Variants in SUGP1 observed in about 807,000 individuals in gnomAD.
The protein encoded by SUGP1 is SURP and G-patch domain containing 1.
Under a neutral mutation model 76.5 loss-of-function variants are expected in SUGP1, and 34 were observed. The observed-to-expected ratio is 0.44, with a 90% CI of 0.34 to 0.59. SUGP1 has a LOEUF of 0.59. Among genes scored for constraint, SUGP1 ranks in the 20% least tolerant of loss-of-function variants. The probability of loss-of-function intolerance (pLI) is 0.01; values close to 1 mark genes in which losing one functional copy is unlikely to be tolerated. For missense variants in SUGP1, 752 were observed against 851.7 expected (o/e 0.88, Z 1.46); for synonymous variants, 326 against 326.2 (o/e 1.00, Z 0.01).
intron 11 of SUGP1, among the ~76,000 whole-genome samples, chr19:19,278,280 T>TA (rs759148969): frequency 3.9e-4 from 59 of 152,208 alleles, no homozygotes; most frequent in Non-Finnish European, 6.5e-4. Context: ...AACAGTTTTA[T>TA]AAAAAAACCT....
At chr19:19,307,020 G>T (rs1031683921) in intron 3 of SUGP1, among the ~76,000 whole-genome samples, 2 of 152,106 alleles carry the variant, frequency 1.3e-5, no homozygotes, top group African/African-American at 4.8e-5. Flanking sequence ...GATCATGAAA[G>T]ATGCTGGCTC....
chr19:19,279,443 G>GC, intron 9 of SUGP1, 53 bp from the exon 10 acceptor site: 1 of 1,513,552 alleles, frequency 6.6e-7, no homozygotes, highest in Non-Finnish European at 8.8e-7. Flanking sequence ...GCCTGCCGGA[G>GC]CCCCGCTCCT....
At chr19:19,307,354 C>T (rs2061324677) in intron 3 of SUGP1, among the ~76,000 whole-genome samples, 1 of 151,918 alleles carries the variant, frequency 6.6e-6, no homozygotes, top group African/African-American at 2.4e-5. Context: ...CTGGCAGGGG[C>T]TTCATCTTTT....
At chr19:19,284,505 A>T (rs1333298497) in intron 8 of SUGP1, among the ~76,000 whole-genome samples, 1 of 152,158 alleles carries the variant, frequency 6.6e-6, no homozygotes, top group Non-Finnish European at 1.5e-5. Context: ...CTGTTATTGC[A>T]GCTATGTCAA....
rs879445979 is a variant in SUGP1 at position 19,284,460 on chromosome 19, T to TA, written c.1244-4170dup. Among the ~76,000 whole-genome samples, 464 of 144,342 alleles carry TA rather than the reference T, an allele frequency of 3.2e-3. 1 individual carries two copies. Among genetic ancestry groups the TA allele is most frequent in the Middle Eastern group, 7.0e-3 (2 of 286 alleles). 94.7% of individuals were successfully genotyped at this position (144,342 alleles called of 152,430 possible). A position where few individuals can be genotyped will look rare whatever the true frequency, so the allele number is the denominator to read the frequency against. ...ATGAATCCAGCATAAGGACCACTGTTAAAAAAAAAAAAAGAAGAAGAGAAA... is the reference window on the plus strand; with the variant it reads ...ATGAATCCAGCATAAGGACCACTGTTAAAAAAAAAAAAAAGAAGAAGAGAAA... On this transcript the variant is annotated intron_variant, in intron 8 of 13. Coordinates refer to ENST00000247001, the MANE Select transcript of SUGP1 (RefSeq NM_172231.4).
At chr19:19,280,598 G>T in intron 8 of SUGP1, 1 of 325,268 alleles carries the variant, frequency 3.1e-6, no homozygotes, top group Non-Finnish European at 5.8e-6. Context: ...GCTAACGAGT[G>T]ACAGGGCAGG....
chr19:19,288,461 C>T (rs757010904), intron 8 of SUGP1, among the ~76,000 whole-genome samples: 18 of 152,040 alleles, frequency 1.2e-4, no homozygotes, highest in Non-Finnish European at 1.3e-4. Context: ...ATAAGGCTTC[C>T]GGTCAACAGT....
At chr19:19,290,912 C>G (rs983067054) in intron 8 of SUGP1, among the ~76,000 whole-genome samples, 2 of 151,340 alleles carry the variant, frequency 1.3e-5, no homozygotes, top group Non-Finnish European at 2.9e-5. Flanking sequence ...AGGTCAGGAG[C>G]TCGAGACCAG....
At chr19:19,282,951 C>T (rs1008242808) in intron 8 of SUGP1, among the ~76,000 whole-genome samples, 1 of 152,060 alleles carries the variant, frequency 6.6e-6, no homozygotes, top group African/African-American at 2.4e-5. Context: ...GTGGCAGGCG[C>T]CTGTCGTCCC....
intron 8 of SUGP1, among the ~76,000 whole-genome samples, chr19:19,294,065 T>C (rs2061206198): frequency 1.3e-5 from 2 of 151,944 alleles, no homozygotes; most frequent in African/African-American, 4.8e-5. Context: ...AGCATGTCTG[T>C]AGTCCCAGCT....
chr19:19,292,176 C>T (rs1309667511), intron 8 of SUGP1, among the ~76,000 whole-genome samples: 4 of 144,706 alleles, frequency 2.8e-5, no homozygotes, highest in Admixed American at 7.1e-5. Flanking sequence ...GGGAGGCTGA[C>T]GTAGGAGAAT....
chr19:19,283,780 G>GT (rs1242195768), intron 8 of SUGP1, among the ~76,000 whole-genome samples: 1 of 152,090 alleles, frequency 6.6e-6, no homozygotes, highest in African/African-American at 2.4e-5. Flanking sequence ...TAGAGACAGG[G>GT]TTTCACCATA....
chr19:19,301,967 G>A, intron 7 of SUGP1: 3 of 405,882 alleles, frequency 7.4e-6, no homozygotes, highest in South Asian at 4.2e-5. Context: ...AAGGGCTGCT[G>A]TGTGTCCCAA....
Position 19,278,804 on chromosome 19 carries a change from G to A in SUGP1, c.1529-8C>T. The A allele has an allele frequency of 1.2e-6, 2 of 1,611,166 alleles. No homozygotes were observed. The highest frequency in any genetic ancestry group is 1.1e-5 in the South Asian group (1 of 90,326). The stretch of plus-strand genomic sequence containing the variant: ...TCAGCTGCTCGGCCCATTCTGCTCA[G>A]AGAAGCAGAAAGGTGAGAAGAGGGA... On this transcript the variant is annotated splice_polypyrimidine_tract_variant and splice_region_variant and intron_variant, in intron 10 of 13. Transcript: ENST00000247001.
At chr19:19,311,354 AAG>A (rs1269936973) in intron 2 of SUGP1, among the ~76,000 whole-genome samples, 1 of 151,984 alleles carries the variant, frequency 6.6e-6, no homozygotes, top group Non-Finnish European at 1.5e-5. Flanking sequence ...AAAAAAAAAA[AAG>A]AGGGAGAGAG....
intron 8 of SUGP1, among the ~76,000 whole-genome samples, chr19:19,294,710 G>A (rs1461726222): frequency 5.3e-5 from 8 of 151,778 alleles, no homozygotes; most frequent in African/African-American, 7.2e-5. Flanking sequence ...TCTAGGGAGG[G>A]CTGGATTACA....
chr19:19,279,093 G>T (rs2061076326), intron 10 of SUGP1, 120 bp downstream of exon 10: 4 of 1,163,624 alleles, frequency 3.4e-6, no homozygotes, highest in Non-Finnish European at 4.7e-6. Flanking sequence ...CAGGAAGCAG[G>T]CTGGGGGCTA....
chr19:19,278,310 G>A (rs866314809), intron 11 of SUGP1, among the ~76,000 whole-genome samples: 2 of 152,186 alleles, frequency 1.3e-5, no homozygotes, highest in Non-Finnish European at 1.5e-5. Context: ...AATGGGGGAC[G>A]TGCCATGTCA....
intron 8 of SUGP1, among the ~76,000 whole-genome samples, chr19:19,284,355 A>G (rs1906081391): frequency 6.6e-6 from 1 of 152,194 alleles, no homozygotes; most frequent in African/African-American, 2.4e-5. Flanking sequence ...AAGTCAAGAC[A>G]TTACAAGAAA....
Sources: allele counts gnomAD v4.1 joint callset (sites outside exome capture counted in the v4.1 genomes callset), GRCh38; gene constraint gnomAD v4.1.1; transcripts MANE v1.5; gene names NCBI Gene and HGNC (gene_info 2026-07-23, HGNC 2026-07-21).